Variants in NCAPG2 observed in about 807,000 individuals in gnomAD.
NCAPG2 encodes the protein condensin-2 complex subunit G2.
NCAPG2 carries 53 observed loss-of-function variants against 141.1 expected under a neutral mutation model. The ratio of observed to expected loss-of-function variants is 0.38; its 90% confidence interval spans 0.30 to 0.47. The LOEUF (loss-of-function observed/expected upper bound fraction) is 0.47. NCAPG2 is among the 20% of genes least tolerant of loss of function. The probability of loss-of-function intolerance (pLI) is 0.99; values close to 1 mark genes in which losing one functional copy is unlikely to be tolerated. For missense variants in NCAPG2, 1,087 were observed against 1,389.0 expected (o/e 0.78, Z 3.46); for synonymous variants, 499 against 490.7 (o/e 1.02, Z -0.22).
chr7:158,658,534 C>G (rs1161055920), intron 16 of NCAPG2, 126 bp from the exon 17 acceptor site: 2 of 794,726 alleles, frequency 2.5e-6, no homozygotes, highest in Admixed American at 3.3e-5. Context: ...GCAGTCCTTT[C>G]CACGTTCAAA....
Position 158,631,390 on chromosome 7 carries a change from G to T in NCAPG2, c.*276C>A, listed in dbSNP as rs1829886501. 2 of 418,352 alleles carry T rather than the reference G, an allele frequency of 4.8e-6. No individual in the cohort carries two copies. Among genetic ancestry groups the T allele is most frequent in the Non-Finnish European group, 8.3e-6 (2 of 239,812 alleles). 25.9% of individuals were successfully genotyped at this position (418,352 alleles called of 1,614,324 possible). A position where few individuals can be genotyped will look rare whatever the true frequency, so the allele number is the denominator to read the frequency against. ...AGTCATTTTAAAAACAACCAGGTTT[G>T]CTAGAAAAGTGTTTTTTCTTGGAAT... is the stretch of plus-strand genomic sequence containing the variant. On this transcript the variant is annotated 3_prime_UTR_variant, in exon 28 of 28. Coordinates refer to ENST00000356309, the MANE Select transcript of NCAPG2 (RefSeq NM_017760.7).
At chr7:158,677,677 T>A (rs559221253) in intron 11 of NCAPG2, among the ~76,000 whole-genome samples, 5 of 152,300 alleles carry the variant, frequency 3.3e-5, no homozygotes, top group Admixed American at 3.3e-4. Flanking sequence ...GACAATCACC[T>A]TACAACCACA....
chr7:158,700,359 C>T (rs1208830470), intron 2 of NCAPG2, among the ~76,000 whole-genome samples: 1 of 152,200 alleles, frequency 6.6e-6, no homozygotes, highest in South Asian at 2.1e-4. Context: ...CTGGAAACAA[C>T]GCACCCCAGA....
At position 158,689,819 on chromosome 7, in the gene NCAPG2, C is replaced by T. The variant is rs1409998662; in HGVS notation, c.672G>A (p.Glu224=). 3 of 1,570,984 alleles carry T rather than the reference C, an allele frequency of 1.9e-6. No individual in the cohort carries two copies. The highest frequency in any genetic ancestry group is 1.8e-5 in the Admixed American group (1 of 54,282). ...GATCAAAAAACAAATACCTATTTAC[C>T]TCTTCTTTCTTGATATAATTAATAT... ...FININYIKKE[E]GRRFLSCLFN... Residue 224 remains glutamate (E), a splice_region_variant and synonymous_variant, in exon 6 of 28, where the codon GAG becomes GAA. Transcript: ENST00000356309.
At chr7:158,694,481 A>C (rs796091433) in intron 2 of NCAPG2, among the ~76,000 whole-genome samples, 3 of 152,176 alleles carry the variant, frequency 2.0e-5, no homozygotes, top group South Asian at 4.1e-4. Flanking sequence ...GACCTGGCGG[A>C]CACCTACCCA....
At chr7:158,672,284 G>GTA (rs1833744549) in intron 12 of NCAPG2, among the ~76,000 whole-genome samples, 8 of 70,738 alleles carry the variant, frequency 1.1e-4, no homozygotes, top group Middle Eastern at 8.3e-3. Flanking sequence ...ACACATGTGT[G>GTA]TGTGTGTGTA....
intron 27 of NCAPG2, among the ~76,000 whole-genome samples, chr7:158,637,871 C>G (rs372135679): frequency 6.6e-6 from 1 of 152,030 alleles, no homozygotes; most frequent in Non-Finnish European, 1.5e-5. Flanking sequence ...TGGCTGGGCA[C>G]GGTGGCTCAC....
At chr7:158,650,394 GT>G (rs566602352) in intron 24 of NCAPG2, among the ~76,000 whole-genome samples, 85 of 152,314 alleles carry the variant, frequency 5.6e-4, no homozygotes, top group African/African-American at 2.0e-3. Context: ...TGAAAAAAAG[GT>G]GGGGGAGGCT....
chr7:158,695,719 G>A (rs946398345), intron 2 of NCAPG2, among the ~76,000 whole-genome samples: 2 of 152,238 alleles, frequency 1.3e-5, no homozygotes, highest in African/African-American at 4.8e-5. Context: ...GACATTAGCA[G>A]TGACGGCCCA....
chr7:158,680,317 T>G (rs1445274683), intron 10 of NCAPG2, among the ~76,000 whole-genome samples: 1 of 152,196 alleles, frequency 6.6e-6, no homozygotes, highest in Non-Finnish European at 1.5e-5. Flanking sequence ...TAAGAAGTGG[T>G]CACCCCACAT....
intron 9 of NCAPG2, 89 bp downstream of exon 9, chr7:158,683,211 A>G: frequency 8.7e-7 from 1 of 1,145,872 alleles, no homozygotes; most frequent in East Asian, 2.7e-5. Flanking sequence ...ATGTCTGTGA[A>G]AGCTTAATTT....
Position 158,668,359 on chromosome 7 carries a change from CTCCTTACCCACTACT to C in NCAPG2, c.1479+3140_1479+3154del, listed in dbSNP as rs1833422101. 8 of 974,308 alleles carry C rather than the reference CTCCTTACCCACTACT, an allele frequency of 8.2e-6. No homozygotes were observed. The African/African-American group carries it at 1.4e-4, about 17-fold the overall frequency. The allele number at this position is 974,308 out of a possible 1,614,324, so 60.4% of individuals were successfully genotyped here. On this transcript the variant is annotated intron_variant, in intron 13 of 27. Transcript: ENST00000356309. ...TTACCCACAACTGGGTCCCTCCGCC[CTCCTTACCCACTACT>C]GGGTCCCTCCGCCCTCCTTACCTAT...
At chr7:158,662,423 G>A (rs1832586591) in intron 15 of NCAPG2, 56 bp from the exon 16 acceptor site, 2 of 1,428,682 alleles carry the variant, frequency 1.4e-6, no homozygotes, top group Non-Finnish European at 1.9e-6. Flanking sequence ...CTACTAAAAG[G>A]TAACAGCATC....
At chr7:158,654,024 C>G (rs1056868755) in intron 22 of NCAPG2, among the ~76,000 whole-genome samples, 2 of 152,106 alleles carry the variant, frequency 1.3e-5, no homozygotes, top group African/African-American at 4.8e-5. Context: ...TCTTCTTTAC[C>G]AGACTGTGAT....
At chr7:158,661,228 G>T (rs1270848398) in intron 16 of NCAPG2, among the ~76,000 whole-genome samples, 1 of 152,168 alleles carries the variant, frequency 6.6e-6, no homozygotes, top group African/African-American at 2.4e-5. Flanking sequence ...CACATAAGTA[G>T]GTAGAAAAAG....
In NCAPG2 at chr7:158,664,428, G is replaced by A. The variant is rs1832762296; in HGVS notation, c.1702+100C>T. The stretch of plus-strand genomic sequence containing the variant: ...GGAAATCATTCAGAAATGCATTAAA[G>A]TATGAAGCTTATTAAATTGACAAAT... On this transcript the variant is annotated intron_variant, in intron 14 of 27. Transcript: ENST00000356309. 7.3e-6 allele frequency: 11 copies of A among 1,499,440 alleles called. No homozygotes were observed. In the South Asian group the frequency reaches 9.7e-5, roughly 13 times the overall value. The allele number at this position is 1,499,440 out of a possible 1,614,324, so 92.9% of individuals were successfully genotyped here.
At chr7:158,676,155 C>G (rs563315006) in intron 11 of NCAPG2, among the ~76,000 whole-genome samples, 2 of 152,104 alleles carry the variant, frequency 1.3e-5, no homozygotes, top group Non-Finnish European at 2.9e-5. Context: ...AATAATCTCA[C>G]GAAACAAAAT....
At chr7:158,667,519 CCCTCCTT>C (rs1563539529) in intron 13 of NCAPG2, among the ~76,000 whole-genome samples, 18 of 77,806 alleles carry the variant, frequency 2.3e-4, no homozygotes, top group South Asian at 6.4e-4. Flanking sequence ...GGTCCCTCCG[CCCTCCTT>C]ACCTACCCTG....
chr7:158,652,538 T>C, intron 22 of NCAPG2, 58 bp from the exon 23 acceptor site: 1 of 1,315,156 alleles, frequency 7.6e-7, no homozygotes, highest in South Asian at 1.4e-5. Context: ...TTGAAATCAT[T>C]ACACATTTCT....
Sources: gnomAD v4.1 joint callset for allele counts (sites outside exome capture counted in the v4.1 genomes callset) on GRCh38, gnomAD v4.1.1 for gene constraint, MANE v1.5 for transcripts, NCBI Gene and HGNC (gene_info 2026-07-23, HGNC 2026-07-21) for gene names.